Variants in PSMD14 observed in about 807,000 individuals in gnomAD.
The protein encoded by PSMD14 is proteasome 26S subunit, non-ATPase 14.
PSMD14 carries 7 observed loss-of-function variants against 41.2 expected under a neutral mutation model. That is an observed-to-expected ratio of 0.17 (90% CI 0.10 to 0.32). The LOEUF (loss-of-function observed/expected upper bound fraction) is 0.32, where lower values mean the gene tolerates loss of function less well. Ranked by LOEUF, PSMD14 falls within the 10% of genes least tolerant of loss-of-function variation. PSMD14 has a pLI of 1.00. For synonymous variants in PSMD14, 114 were observed against 122.3 expected (o/e 0.93, Z 0.45); for missense variants, 139 against 375.6 (o/e 0.37, Z 5.21).
chr2:161,391,848 C>G (rs1373196368), intron 9 of PSMD14, among the ~76,000 whole-genome samples: 1 of 152,062 alleles, frequency 6.6e-6, no homozygotes, highest in Admixed American at 6.6e-5. Context: ...ATCCTCTCAC[C>G]TCAGCCTTCT....
chr2:161,333,024 TGA>T (rs1682817743), intron 3 of PSMD14, among the ~76,000 whole-genome samples: 1 of 152,230 alleles, frequency 6.6e-6, no homozygotes, highest in African/African-American at 2.4e-5. Context: ...ACATTAGTGT[TGA>T]GATTTCTACG....
chr2:161,395,849 A>G (rs1298806423), intron 10 of PSMD14, among the ~76,000 whole-genome samples: 1 of 152,240 alleles, frequency 6.6e-6, no homozygotes, highest in Admixed American at 6.5e-5. Context: ...CAGTTAGACA[A>G]GCTTCTAAAT....
chr2:161,377,239 T>C (rs545521802), intron 7 of PSMD14, among the ~76,000 whole-genome samples: 1 of 152,118 alleles, frequency 6.6e-6, no homozygotes, highest in Non-Finnish European at 1.5e-5. Context: ...CTCTTTTCTT[T>C]GTCTAGTTTT....
intron 3 of PSMD14, among the ~76,000 whole-genome samples, chr2:161,342,112 T>C (rs1682972665): frequency 6.6e-6 from 1 of 152,158 alleles, no homozygotes; most frequent in Non-Finnish European, 1.5e-5. Flanking sequence ...ACAGCACCAC[T>C]TGTTTAAATC....
intron 3 of PSMD14, among the ~76,000 whole-genome samples, chr2:161,357,076 C>CTGTTTTTTTTTTTTTTTTTTT (rs1683217613): frequency 8.1e-6 from 1 of 124,192 alleles, no homozygotes; most frequent in Non-Finnish European, 1.6e-5. Flanking sequence ...TGGCAAATGC[C>CTGTTTTTTTTTTTTTTTTTTT]TTTTTTTTTT....
At chr2:161,341,344 G>A in intron 3 of PSMD14, 1 of 1,008,360 alleles carries the variant, frequency 9.9e-7, no homozygotes, top group Non-Finnish European at 1.2e-6. Context: ...CGGCCGCCGA[G>A]TGCCGGCCAG....
chr2:161,367,569 A>G lies in PSMD14; in HGVS notation c.120+20A>G. The G allele has an allele frequency of 6.4e-7, 1 of 1,573,662 alleles. No homozygotes were observed. Among genetic ancestry groups the G allele is most frequent in the African/African-American group, 1.3e-5 (1 of 74,202 alleles). ...TTAAAAGTAGGTAATGAATGTAGTT[A>G]CTTGCTTTAGAGAACTCTGTTGCTT... is the stretch of plus-strand genomic sequence containing the variant. On this transcript the variant is annotated intron_variant, in intron 4 of 11. Coordinates refer to ENST00000409682, the MANE Select transcript of PSMD14 (RefSeq NM_005805.6).
chr2:161,345,426 A>G (rs1197743253), intron 3 of PSMD14, among the ~76,000 whole-genome samples: 1 of 151,320 alleles, frequency 6.6e-6, no homozygotes, highest in Non-Finnish European at 1.5e-5. Flanking sequence ...TATTTTTTGT[A>G]CAGACAGGGT....
chr2:161,318,188 C>T (rs1225035743), intron 2 of PSMD14, among the ~76,000 whole-genome samples: 1 of 152,126 alleles, frequency 6.6e-6, no homozygotes, highest in Non-Finnish European at 1.5e-5. Flanking sequence ...ACATCTGAAA[C>T]AACACAAAAT....
intron 3 of PSMD14, among the ~76,000 whole-genome samples, chr2:161,338,434 G>A (rs557506972): frequency 6.7e-6 from 1 of 149,858 alleles, no homozygotes; most frequent in Non-Finnish European, 1.5e-5. Context: ...TTGATAACCT[G>A]TATTTGTTGA....
intron 1 of PSMD14, among the ~76,000 whole-genome samples, chr2:161,314,047 G>C (rs1689121859): frequency 6.6e-6 from 1 of 152,098 alleles, no homozygotes; most frequent in Admixed American, 6.5e-5. Flanking sequence ...TCATAATTTT[G>C]TTGAAGATAG....
intron 11 of PSMD14, among the ~76,000 whole-genome samples, chr2:161,409,210 G>A (rs1683993783): frequency 6.6e-6 from 1 of 151,964 alleles, no homozygotes; most frequent in South Asian, 2.1e-4. Context: ...GATAATAGAA[G>A]GGTAGATTTA....
intron 7 of PSMD14, chr2:161,381,800 T>G (rs1683573978): frequency 6.6e-6 from 1 of 151,922 alleles, no homozygotes; most frequent in Non-Finnish European, 1.5e-5. Context: ...AACTCAGTAT[T>G]GTTTTTAAAA....
chr2:161,367,643 C>A, intron 4 of PSMD14, 94 bp downstream of exon 4: 2 of 1,409,158 alleles, frequency 1.4e-6, no homozygotes, highest in Non-Finnish European at 1.9e-6. Flanking sequence ...TCCTCTCAGA[C>A]ATAAATAAGC....
At chr2:161,396,255 GA>G (rs1239072776) in intron 10 of PSMD14, among the ~76,000 whole-genome samples, 3 of 152,172 alleles carry the variant, frequency 2.0e-5, no homozygotes, top group Non-Finnish European at 4.4e-5. Flanking sequence ...GCATAGAACA[GA>G]TCCCGCAATC....
chr2:161,389,567 G>C (rs1683679206), intron 8 of PSMD14, among the ~76,000 whole-genome samples: 4 of 152,004 alleles, frequency 2.6e-5, no homozygotes, highest in Non-Finnish European at 5.9e-5. Context: ...GCTCCCTATG[G>C]AATTTCATAG....
At position 161,391,153 on chromosome 2, in the gene PSMD14, A is replaced by T; in HGVS notation, c.620A>T (p.Tyr207Phe). ...CATTATTACTCCATTACTATTAACTATCGGAAAAATGAACTGGAACAGAAG... is the reference window on the plus strand; with the variant it reads ...CATTATTACTCCATTACTATTAACTTTCGGAAAAATGAACTGGAACAGAAG... ...NRHYYSITINYRKNELEQKML... is the reference protein window; with the variant it reads ...NRHYYSITINFRKNELEQKML... The change falls in exon 9 of 12, where the codon TAT (tyrosine) becomes TTT (phenylalanine). Residue 207 changes from tyrosine to phenylalanine, a missense_variant. Coordinates refer to ENST00000409682, the MANE Select transcript of PSMD14 (RefSeq NM_005805.6). 1 of 1,536,238 alleles carries T rather than the reference A, an allele frequency of 6.5e-7. No individual in the cohort carries two copies. Among genetic ancestry groups the T allele is most frequent in the South Asian group, 1.2e-5 (1 of 80,342 alleles).
intron 2 of PSMD14, among the ~76,000 whole-genome samples, chr2:161,317,090 A>G (rs1274696537): frequency 6.6e-6 from 1 of 152,122 alleles, no homozygotes; most frequent in Non-Finnish European, 1.5e-5. Context: ...TTGGTAATAT[A>G]TTCTAGAGAA....
chr2:161,406,390 A>G (rs1683947570), intron 10 of PSMD14, among the ~76,000 whole-genome samples: 1 of 152,204 alleles, frequency 6.6e-6, no homozygotes, highest in African/African-American at 2.4e-5. Context: ...AGTAAACCGA[A>G]GAGCACGAAT....
Sources: gnomAD v4.1 joint callset for allele counts (sites outside exome capture counted in the v4.1 genomes callset) on GRCh38, gnomAD v4.1.1 for gene constraint, MANE v1.5 for transcripts, NCBI Gene and HGNC (gene_info 2026-07-23, HGNC 2026-07-21) for gene names.